Variants in KCNMA1 observed in about 807,000 individuals in gnomAD.
KCNMA1 encodes potassium calcium-activated channel subfamily M alpha 1, also known as Calcium-activated potassium channel subunit alpha-1.
Under a neutral mutation model 140.0 loss-of-function variants are expected in KCNMA1, and 29 were observed. The observed-to-expected ratio is 0.21, with a 90% confidence interval of 0.15 to 0.28. KCNMA1 has a LOEUF of 0.28. KCNMA1 is among the 10% of genes least tolerant of loss of function. The probability of loss-of-function intolerance (pLI) is 1.00; values close to 1 mark genes in which losing one functional copy is unlikely to be tolerated. For synonymous variants in KCNMA1, 612 were observed against 611.9 expected, an observed-to-expected ratio of 1.00 and a Z score of 0.00; for missense variants, 880 against 1,602.2, an observed-to-expected ratio of 0.55 and a Z score of 7.70.
At chr10:77,241,037 G>A in intron 3 of KCNMA1, among the ~76,000 whole-genome samples, 1 of 152,168 alleles carries the variant, frequency 6.6e-6, no homozygotes, top group Admixed American at 6.5e-5. Flanking sequence ...GGTTGCTGAA[G>A]TTCCTATTTC....
intron 1 of KCNMA1, among the ~76,000 whole-genome samples, chr10:77,438,912 A>G (rs1458652814): frequency 6.6e-6 from 1 of 152,084 alleles, no homozygotes; most frequent in Non-Finnish European, 1.5e-5. Flanking sequence ...CCCCATCTCC[A>G]CTAAAAATAC....
At chr10:77,578,654 C>T (rs2074989778) in intron 1 of KCNMA1, among the ~76,000 whole-genome samples, 1 of 152,142 alleles carries the variant, frequency 6.6e-6, no homozygotes, top group African/African-American at 2.4e-5. Flanking sequence ...CTCATCTTCC[C>T]TCTCGCTCCA....
chr10:76,913,135 G>A (rs880863), intron 24 of KCNMA1: 123,931 of 152,018 alleles, frequency 0.82, 50,754 homozygotes, highest in South Asian at 0.92. Context: ...AAGAAAATGG[G>A]GTGTTCATTT....
chr10:76,990,702 G>A (rs1187746794), intron 19 of KCNMA1, among the ~76,000 whole-genome samples: 1 of 152,088 alleles, frequency 6.6e-6, no homozygotes, highest in African/African-American at 2.4e-5. Context: ...TAGGGCTTTG[G>A]TTTTGAAGCA....
chr10:77,052,895 C>T (rs959579680), intron 14 of KCNMA1, among the ~76,000 whole-genome samples: 17 of 152,160 alleles, frequency 1.1e-4, no homozygotes, highest in Admixed American at 1.1e-3. Flanking sequence ...GAGGAGGAGA[C>T]TCATCCCTCC....
At chr10:77,631,766 TG>T (rs2093237447) in intron 1 of KCNMA1, among the ~76,000 whole-genome samples, 1 of 152,156 alleles carries the variant, frequency 6.6e-6, no homozygotes, top group South Asian at 2.1e-4. Context: ...GACTTACCAT[TG>T]GAATGCTTTA....
At chr10:77,517,700 C>T (rs2051089619) in intron 1 of KCNMA1, among the ~76,000 whole-genome samples, 1 of 152,162 alleles carries the variant, frequency 6.6e-6, no homozygotes, top group African/African-American at 2.4e-5. Flanking sequence ...CATCTCCTCC[C>T]ACCGTCTGCC....
At chr10:77,039,407 G>A (rs1021337604) in intron 15 of KCNMA1, 121 bp downstream of exon 15, 20 of 725,656 alleles carry the variant, frequency 2.8e-5, no homozygotes, top group African/African-American at 7.0e-5. Flanking sequence ...CCGAGCACAC[G>A]GGATACCCTC....
rs762784623 is a variant in KCNMA1 at position 77,636,408 on chromosome 10, C to T, written c.378+857G>A. The T allele has an allele frequency of 1.2e-5, 19 of 1,536,014 alleles. No homozygotes were observed. Among genetic ancestry groups the T allele is most frequent in the East Asian group, 4.9e-5 (2 of 40,922 alleles). Reference sequence around the variant, plus strand: ...ATAGCTAAAGCCGACGACATCTAGCCACCTCGAGCGCCAGGGAAGACGCTC... The same window carrying T: ...ATAGCTAAAGCCGACGACATCTAGCTACCTCGAGCGCCAGGGAAGACGCTC... On this transcript the variant is annotated intron_variant, in intron 1 of 27. Transcript: ENST00000286628.
intron 2 of KCNMA1, 114 bp downstream of exon 2, chr10:77,403,748 C>T: frequency 9.4e-7 from 1 of 1,063,332 alleles, no homozygotes; most frequent in Non-Finnish European, 1.4e-6. Flanking sequence ...TCACCCCCAC[C>T]TCCCAATAGC....
intron 14 of KCNMA1, among the ~76,000 whole-genome samples, chr10:77,058,299 C>A (rs2095616546): frequency 6.6e-6 from 1 of 151,920 alleles, no homozygotes; most frequent in Admixed American, 6.6e-5. Context: ...GTAGACAAAT[C>A]CACAGTTATA....
intron 1 of KCNMA1, among the ~76,000 whole-genome samples, chr10:77,620,334 A>C (rs1001189014): frequency 6.6e-6 from 1 of 152,140 alleles, no homozygotes; most frequent in Middle Eastern, 3.2e-3. Flanking sequence ...CTGGGCCCCA[A>C]CTGCCACTTT....
chr10:77,266,455 C>T (rs756703946), intron 2 of KCNMA1, among the ~76,000 whole-genome samples: 11 of 152,150 alleles, frequency 7.2e-5, no homozygotes, highest in African/African-American at 1.2e-4. Context: ...AGCCAAACTT[C>T]GTAAGAATGC....
intron 2 of KCNMA1, among the ~76,000 whole-genome samples, chr10:77,260,112 T>C (rs2061642064): frequency 6.6e-6 from 1 of 152,032 alleles, no homozygotes; most frequent in South Asian, 2.1e-4. Flanking sequence ...ATCCAGGGGA[T>C]CCCTGGTGAA....
At chr10:77,206,462 TG>T in intron 3 of KCNMA1, among the ~76,000 whole-genome samples, 1 of 152,302 alleles carries the variant, frequency 6.6e-6, no homozygotes, top group East Asian at 1.9e-4. Flanking sequence ...AACTGTTACC[TG>T]TTGTCAAATG....
At position 76,885,041 on chromosome 10, in the gene KCNMA1, G is replaced by A. The variant is rs199953552; in HGVS notation, c.*2225C>T. On this transcript the variant is annotated 3_prime_UTR_variant, in exon 28 of 28. Transcript: ENST00000286628. ...CACTTTAGAGAGAGAAGTAAGCTAT[G>A]TGAGTTTTACAATGCTTTTAAACTG... The A allele has an allele frequency of 2.5e-5, 38 of 1,547,624 alleles. No homozygotes were observed. The highest frequency in any genetic ancestry group is 3.2e-5 in the Non-Finnish European group (37 of 1,145,750).
intron 1 of KCNMA1, among the ~76,000 whole-genome samples, chr10:77,564,371 A>T (rs1257717514): frequency 1.3e-5 from 2 of 152,122 alleles, no homozygotes; most frequent in Non-Finnish European, 2.9e-5. Context: ...TCAGGAGTTC[A>T]AGACCAGCCT....
chr10:76,919,982 TTGTG>T (rs1196371060), intron 23 of KCNMA1, among the ~76,000 whole-genome samples: 1,629 of 77,500 alleles, frequency 0.021, 125 homozygotes, highest in African/African-American at 0.057. Flanking sequence ...GCAATGAGCA[TTGTG>T]TGTGTGTGTG....
chr10:77,008,167 G>A, intron 18 of KCNMA1: 1 of 1,534,452 alleles, frequency 6.5e-7, no homozygotes, highest in Non-Finnish European at 8.7e-7. Flanking sequence ...CGGGCTGCTG[G>A]GAACCCGTTT....
Sources: allele counts gnomAD v4.1 joint callset (sites outside exome capture counted in the v4.1 genomes callset), GRCh38; gene constraint gnomAD v4.1.1; transcripts MANE v1.5; gene names NCBI Gene and HGNC (gene_info 2026-07-23, HGNC 2026-07-21).